Variants in STK38 observed in about 807,000 individuals in gnomAD.
STK38 encodes serine/threonine-protein kinase 38.
Under a neutral mutation model 59.0 loss-of-function variants are expected in STK38, and 26 were observed. That is an observed-to-expected ratio of 0.44 (90% CI 0.32 to 0.61). STK38 has a LOEUF of 0.61. Ranked by LOEUF, STK38 falls within the 20% of genes least tolerant of loss-of-function variation. STK38 has a pLI of 0.04. For synonymous variants in STK38, 175 were observed against 176.6 expected (o/e 0.99, Z 0.07); for missense variants, 433 against 566.0 (o/e 0.76, Z 2.38).
intron 1 of STK38, among the ~76,000 whole-genome samples, chr6:36,544,054 A>C (rs2127494126): frequency 6.6e-6 from 1 of 152,336 alleles, no homozygotes; most frequent in African/African-American, 2.4e-5. Flanking sequence ...ACTTGTTCAA[A>C]AAAGCCTTAA....
rs1491440893 is a variant in STK38 at position 36,532,307 on chromosome 6, C to CA, written c.132-6666dup. Among the ~76,000 whole-genome samples the CA allele has an allele frequency of 3.5e-3, 360 of 103,256 alleles. 4 individuals are homozygous for CA. The highest frequency in any genetic ancestry group is 6.3e-3 in the East Asian group (20 of 3,152). 67.7% of individuals were successfully genotyped at this position (103,256 alleles called of 152,430 possible). On this transcript the variant is annotated intron_variant, in intron 2 of 13. Transcript: ENST00000229812. ...GGGTGACACAGTGAGACCTTGTCTG[C>CA]ATAAAAAAAAAAAAAAAAAAAGGTT... is the stretch of plus-strand genomic sequence containing the variant.
intron 6 of STK38, among the ~76,000 whole-genome samples, chr6:36,516,342 A>G (rs1777250640): frequency 6.6e-6 from 1 of 152,230 alleles, no homozygotes; most frequent in South Asian, 2.1e-4. Flanking sequence ...CAAAGAAAAT[A>G]TGTATAAGGA....
intron 7 of STK38, among the ~76,000 whole-genome samples, chr6:36,514,648 C>G (rs756295256): frequency 8.6e-5 from 13 of 151,994 alleles, no homozygotes; most frequent in Non-Finnish European, 1.3e-4. Flanking sequence ...TAGGCAACTA[C>G]GCTTATCTGC....
chr6:36,526,785 T>C (rs1777523756), intron 2 of STK38, among the ~76,000 whole-genome samples: 1 of 151,810 alleles, frequency 6.6e-6, no homozygotes, highest in African/African-American at 2.4e-5. Context: ...TCCCAGCTAC[T>C]TGGGAAGCTG....
intron 6 of STK38, among the ~76,000 whole-genome samples, chr6:36,517,110 CTCTT>C (rs977360887): frequency 7.0e-6 from 1 of 141,906 alleles, no homozygotes; most frequent in Non-Finnish European, 1.5e-5. Flanking sequence ...AAAGTTCTCT[CTCTT>C]TTTTTTTCCC....
intron 6 of STK38, 71 bp from the exon 7 acceptor site, chr6:36,515,563 G>A: frequency 1.9e-6 from 3 of 1,564,452 alleles, no homozygotes; most frequent in Middle Eastern, 1.9e-4. Flanking sequence ...CACAACATAC[G>A]AGTGAGTACC....
chr6:36,498,667 A>C (rs1310911088), intron 10 of STK38, among the ~76,000 whole-genome samples, 181 bp from the exon 11 acceptor site: 2 of 146,620 alleles, frequency 1.4e-5, no homozygotes, highest in African/African-American at 5.1e-5. Flanking sequence ...GGTTCACTGC[A>C]GCCTTGAATT....
rs1159234380 is a variant in STK38 at position 36,524,424 on chromosome 6, CTG to C, written c.221_222del (p.Thr74ArgfsTer16). 1 of 1,612,596 alleles carries C rather than the reference CTG, an allele frequency of 6.2e-7. No individual in the cohort carries two copies. Among genetic ancestry groups the C allele is most frequent in the East Asian group, 2.2e-5 (1 of 44,810 alleles). Reference protein sequence around the residue: ...LRRSAHARKETEFLRLKRTRL... With the variant: ...LRRSAHARKEXEFLRLKRTRL... The stretch of plus-strand genomic sequence containing the variant: ...CTTGTTCTCTTCAAACGAAGAAACT[CTG>C]TTTCCTTCCGAGCATGTGCTGATCT... On this transcript the variant is annotated frameshift_variant, in exon 4 of 14. Coordinates refer to ENST00000229812, the MANE Select transcript of STK38 (RefSeq NM_007271.4). LOFTEE classifies it high-confidence loss of function.
chr6:36,498,132 G>C (rs1313884954), intron 11 of STK38, among the ~76,000 whole-genome samples: 1 of 151,690 alleles, frequency 6.6e-6, no homozygotes, highest in Non-Finnish European at 1.5e-5. Context: ...GGGTTTTGCT[G>C]TGTTGTCCAG....
intron 7 of STK38, among the ~76,000 whole-genome samples, chr6:36,513,744 T>C (rs1777172062): frequency 6.6e-6 from 1 of 150,774 alleles, no homozygotes; most frequent in South Asian, 2.1e-4. Context: ...TGGCTCACAC[T>C]TGTAATCCCA....
chr6:36,509,182 G>A (rs778572619), intron 7 of STK38, among the ~76,000 whole-genome samples: 10 of 152,232 alleles, frequency 6.6e-5, no homozygotes, highest in Non-Finnish European at 1.2e-4. Context: ...TGAGGTATAC[G>A]GACAACTGGA....
intron 2 of STK38, among the ~76,000 whole-genome samples, chr6:36,537,696 G>T (rs1777829608): frequency 6.6e-6 from 1 of 151,962 alleles, no homozygotes; most frequent in African/African-American, 2.4e-5. Context: ...CCCGGAGTTC[G>T]AGACCAGCCT....
intron 7 of STK38, among the ~76,000 whole-genome samples, chr6:36,513,317 CT>C (rs775876993): frequency 0.014 from 1,607 of 117,890 alleles, 5 homozygotes; most frequent in Admixed American, 0.022. Context: ...TGCGTCTGGC[CT>C]TTTTTTTTTT....
Position 36,540,208 on chromosome 6 carries a change from C to T in STK38, c.-5-1G>A. The T allele has an allele frequency of 1.2e-6, 2 of 1,613,472 alleles. No individual in the cohort carries two copies. The highest frequency in any genetic ancestry group is 1.7e-4 in the Middle Eastern group (1 of 6,058). On this transcript the variant is annotated splice_acceptor_variant, in intron 1 of 13. Transcript: ENST00000229812. LOFTEE classifies it low-confidence loss of function (5UTR_SPLICE). ...GTTGAGCCTGTCATTGCCATGGCTG[C>T]TAGAAACAAAGAAAAGAAGAGGTGT...
In STK38 at chr6:36,524,861, A is replaced by G. The variant is rs557933941; in HGVS notation, c.184-398T>C. On this transcript the variant is annotated intron_variant, in intron 3 of 13. Transcript: ENST00000229812. ...TATACTCTAACTTTCTGTTATTTCTACAAGTATTGGGTATTTTTCACCACC... is the reference window on the plus strand; with the variant it reads ...TATACTCTAACTTTCTGTTATTTCTGCAAGTATTGGGTATTTTTCACCACC... 7.2e-5 allele frequency among the ~76,000 whole-genome samples: 11 copies of G among 152,266 alleles called. No individual in the cohort carries two copies. The South Asian group carries it at 1.9e-3, about 26-fold the overall frequency.
chr6:36,540,621 A>T (rs6457929), intron 1 of STK38, among the ~76,000 whole-genome samples: 36,244 of 152,096 alleles, frequency 0.24, 4,561 homozygotes, highest in East Asian at 0.39. Flanking sequence ...AAGTCACACA[A>T]ATATATCTTT....
chr6:36,495,420 T>C lies in STK38; in HGVS notation c.*364A>G. The C allele has an allele frequency of 2.2e-5, 4 of 185,750 alleles. No individual in the cohort carries two copies. Among genetic ancestry groups the C allele is most frequent in the Admixed American group, 5.6e-5 (1 of 17,932 alleles). The allele number at this position is 185,750 out of a possible 1,614,324, so 11.5% of individuals were successfully genotyped here. ...GTGTCACAAAATTACAGGAACTGGC[T>C]GATATTCGATGACTATACACGACAA... is the stretch of plus-strand genomic sequence containing the variant. On this transcript the variant is annotated 3_prime_UTR_variant, in exon 14 of 14. Coordinates refer to ENST00000229812, the MANE Select transcript of STK38 (RefSeq NM_007271.4).
At chr6:36,514,546 G>C (rs759869205) in intron 7 of STK38, among the ~76,000 whole-genome samples, 23 of 152,152 alleles carry the variant, frequency 1.5e-4, no homozygotes, top group Non-Finnish European at 1.9e-4. Flanking sequence ...AGAACAGTGA[G>C]ATCCAGGTGG....
At chr6:36,534,552 C>T (rs1467687086) in intron 2 of STK38, among the ~76,000 whole-genome samples, 1 of 152,022 alleles carries the variant, frequency 6.6e-6, no homozygotes, top group African/African-American at 2.4e-5. Flanking sequence ...ACTCGTAAGG[C>T]TGAGGTGGGA....
Sources: allele counts gnomAD v4.1 joint callset (sites outside exome capture counted in the v4.1 genomes callset), GRCh38; gene constraint gnomAD v4.1.1; transcripts MANE v1.5; gene names NCBI Gene and HGNC (gene_info 2026-07-23, HGNC 2026-07-21).